The following PPARG variants were observed in gnomAD, a reference collection of about 807,000 sequenced individuals.
The protein encoded by PPARG is peroxisome proliferator activated receptor gamma.
In PPARG, 17 loss-of-function variants were observed where a neutral mutation model predicts 39.2. The observed-to-expected ratio is 0.43, with a 90% CI of 0.30 to 0.65. PPARG has a LOEUF of 0.65. Ranked by LOEUF, PPARG falls within the 30% of genes least tolerant of loss-of-function variation. PPARG has a pLI of 0.13. For missense variants in PPARG, 406 were observed against 585.9 expected (o/e 0.69, Z 3.17); for synonymous variants, 223 against 215.7 (o/e 1.03, Z -0.30).
chr3:12,290,125 C>G (rs2046611198), intron 1 of PPARG, among the ~76,000 whole-genome samples: 1 of 152,078 alleles, frequency 6.6e-6, no homozygotes, highest in South Asian at 2.1e-4. Flanking sequence ...TTTGAATCAA[C>G]TGGTGGCCAT....
chr3:12,369,679 G>A (rs1270673053), intron 2 of PPARG, among the ~76,000 whole-genome samples: 1 of 152,092 alleles, frequency 6.6e-6, no homozygotes, highest in African/African-American at 2.4e-5. Context: ...TAAATCAGTT[G>A]TCTGTGCTTA....
At chr3:12,303,069 C>T (rs2046968976) in intron 1 of PPARG, among the ~76,000 whole-genome samples, 1 of 152,152 alleles carries the variant, frequency 6.6e-6, no homozygotes, top group Non-Finnish European at 1.5e-5. Context: ...TATTCAAGCG[C>T]ATGATTTTGC....
chr3:12,352,297 C>T (rs897377513), intron 2 of PPARG, among the ~76,000 whole-genome samples: 1 of 152,148 alleles, frequency 6.6e-6, no homozygotes, highest in African/African-American at 2.4e-5. Flanking sequence ...AATATCTGTT[C>T]CAAGCATCAC....
At position 12,372,149 on chromosome 3, in the gene PPARG, A is replaced by C. The variant is rs183906906; in HGVS notation, c.-8-7555A>C. The C allele has an allele frequency of 2.2e-4, 157 of 718,416 alleles. No individual in the cohort carries two copies. In the African/African-American group the frequency reaches 2.4e-3, roughly 11 times the overall value. The allele number at this position is 718,416 out of a possible 1,614,324, so 44.5% of individuals were successfully genotyped here. A position where few individuals can be genotyped will look rare whatever the true frequency, so the allele number is the denominator to read the frequency against. On this transcript the variant is annotated intron_variant, in intron 2 of 7. Coordinates refer to ENST00000651735, the MANE Select transcript of PPARG (RefSeq NM_138711.6). ...GTTGCCTAGCTGAACACATTTCTCCAATAAAGCTTTCATTTGAGAGTTACT... is the reference window on the plus strand; with the variant it reads ...GTTGCCTAGCTGAACACATTTCTCCCATAAAGCTTTCATTTGAGAGTTACT...
chr3:12,294,613 G>A (rs989481961), intron 1 of PPARG, among the ~76,000 whole-genome samples: 1 of 152,086 alleles, frequency 6.6e-6, no homozygotes, highest in Non-Finnish European at 1.5e-5. Flanking sequence ...TCATACATGC[G>A]GCCAGTCGCA....
In PPARG at chr3:12,309,559, C is replaced by T. The variant is rs1308005822; in HGVS notation, c.-82-2821C>T. ...GACACTCCAGAAAAGTTAATTATGTCACTATATTTTTTCCTACTGAGAAAC... is the reference window on the plus strand; with the variant it reads ...GACACTCCAGAAAAGTTAATTATGTTACTATATTTTTTCCTACTGAGAAAC... On this transcript the variant is annotated intron_variant, in intron 1 of 7. Transcript: ENST00000651735. 2.0e-5 allele frequency among the ~76,000 whole-genome samples: 3 copies of T among 152,216 alleles called. No individual in the cohort carries two copies. In the East Asian group the frequency reaches 5.8e-4, roughly 29 times the overall value.
chr3:12,425,387 T>C (rs1442597529), intron 7 of PPARG, among the ~76,000 whole-genome samples: 1 of 152,124 alleles, frequency 6.6e-6, no homozygotes, highest in Non-Finnish European at 1.5e-5. Context: ...AGAGAAGTCA[T>C]ACCTGGCAGC....
chr3:12,334,776 T>C (rs1220939741), intron 2 of PPARG, among the ~76,000 whole-genome samples: 1 of 152,358 alleles, frequency 6.6e-6, no homozygotes, highest in East Asian at 1.9e-4. Flanking sequence ...GTAGACACTT[T>C]ATGTACCAAC....
chr3:12,295,027 G>A (rs2124931313), intron 1 of PPARG, among the ~76,000 whole-genome samples: 1 of 152,300 alleles, frequency 6.6e-6, no homozygotes, highest in Non-Finnish European at 1.5e-5. Context: ...CTGTGAATCA[G>A]CTAATAGGTG....
chr3:12,393,473 G>A (rs1198812905), intron 5 of PPARG, among the ~76,000 whole-genome samples: 1 of 152,010 alleles, frequency 6.6e-6, no homozygotes, highest in Middle Eastern at 3.2e-3. Context: ...AACTCAGTAA[G>A]GTCCTGGAAG....
At chr3:12,398,326 G>T (rs1015371824) in intron 5 of PPARG, among the ~76,000 whole-genome samples, 1 of 152,178 alleles carries the variant, frequency 6.6e-6, no homozygotes, top group Non-Finnish European at 1.5e-5. Flanking sequence ...GAATAAAAGC[G>T]CCTGAAGGGA....
At chr3:12,354,761 A>G (rs2125101981) in intron 2 of PPARG, among the ~76,000 whole-genome samples, 1 of 151,840 alleles carries the variant, frequency 6.6e-6, no homozygotes, top group African/African-American at 2.4e-5. Flanking sequence ...CTCAAAAAAA[A>G]AAAAAAAAAA....
At chr3:12,363,040 C>G (rs1267647498) in intron 2 of PPARG, among the ~76,000 whole-genome samples, 1 of 152,040 alleles carries the variant, frequency 6.6e-6, no homozygotes, top group African/African-American at 2.4e-5. Flanking sequence ...CCACCTCAGC[C>G]TCTTCCAGTA....
chr3:12,363,991 C>T (rs1301267546), intron 2 of PPARG, among the ~76,000 whole-genome samples: 1 of 150,434 alleles, frequency 6.6e-6, no homozygotes, highest in Non-Finnish European at 1.5e-5. Flanking sequence ...GCACAATCTC[C>T]CCCACTATCA....
chr3:12,399,014 A>G (rs900914900), intron 5 of PPARG, among the ~76,000 whole-genome samples: 3 of 152,178 alleles, frequency 2.0e-5, no homozygotes, highest in Admixed American at 1.3e-4. Flanking sequence ...GGCCAGAGCC[A>G]GTACAGAGAG....
At chr3:12,382,027 A>G (rs1278743786) in intron 4 of PPARG, among the ~76,000 whole-genome samples, 2 of 152,142 alleles carry the variant, frequency 1.3e-5, no homozygotes, top group South Asian at 2.1e-4. Flanking sequence ...GAGCAATCCT[A>G]TAAGATTGGA....
At chr3:12,374,633 A>G (rs575903533) in intron 2 of PPARG, among the ~76,000 whole-genome samples, 13 of 152,232 alleles carry the variant, frequency 8.5e-5, no homozygotes, top group South Asian at 6.2e-4. Flanking sequence ...ATGTAGAACT[A>G]TGCAACAGAA....
intron 2 of PPARG, among the ~76,000 whole-genome samples, chr3:12,316,433 C>G (rs6776454): frequency 0.27 from 41,547 of 151,844 alleles, 5,773 homozygotes; most frequent in East Asian, 0.33. Flanking sequence ...CCAGGGGCTG[C>G]GGCACTGGAA....
chr3:12,393,105 T>C (rs925614100), intron 5 of PPARG, among the ~76,000 whole-genome samples: 9 of 152,042 alleles, frequency 5.9e-5, no homozygotes, highest in African/African-American at 2.2e-4. Flanking sequence ...GTATCAGTAG[T>C]GTCGTTCTGC....
Sources: allele counts gnomAD v4.1 joint callset (sites outside exome capture counted in the v4.1 genomes callset), GRCh38; gene constraint gnomAD v4.1.1; transcripts MANE v1.5; gene names NCBI Gene and HGNC (gene_info 2026-07-23, HGNC 2026-07-21).